LIPT1: variants seen among roughly 807,000 people sequenced by gnomAD.
LIPT1 encodes the protein lipoyl amidotransferase LIPT1, mitochondrial.
In LIPT1, 22 loss-of-function variants were observed where a neutral mutation model predicts 25.1. The observed-to-expected ratio is 0.88, with a 90% CI of 0.63 to 1.25. The LOEUF (loss-of-function observed/expected upper bound fraction) is 1.25. LIPT1 is among the 50% of genes most tolerant of loss of function. LIPT1 has a pLI of 0.00. For missense variants in LIPT1, 399 were observed against 432.8 expected (o/e 0.92, Z 0.69); for synonymous variants, 131 against 150.8 (o/e 0.87, Z 0.96).
At chr2:99,158,161 G>A (rs1390408616) in intron 1 of LIPT1, among the ~76,000 whole-genome samples, 1 of 152,036 alleles carries the variant, frequency 6.6e-6, no homozygotes, top group Admixed American at 6.6e-5. Context: ...GATAGAGTTG[G>A]GATTTGAATG....
rs1202102978 is a variant in LIPT1, at chr2:99,154,993, A to T, written c.-60A>T. ...AGGCCTGCCGGTTGCTCGGGGTCGT[A>T]TGACGCACTTTTCCAGCTCGAGCCC... On this transcript the variant is annotated 5_prime_UTR_variant, in exon 1 of 2. The change abolishes an upstream ATG in the 5' untranslated region. Coordinates refer to ENST00000651691, the MANE Select transcript of LIPT1 (RefSeq NM_145199.3). The T allele has an allele frequency of 4.4e-6, 2 of 455,966 alleles. No individual in the cohort carries two copies. The highest frequency in any genetic ancestry group is 7.0e-5 in the East Asian group (1 of 14,378). 28.2% of individuals were successfully genotyped at this position (455,966 alleles called of 1,614,324 possible).
chr2:99,161,338 A>G (rs2093790936), intron 1 of LIPT1: 1 of 114,838 alleles, frequency 8.7e-6, no homozygotes, highest in African/African-American at 3.5e-5. Context: ...ATATATATAT[A>G]GATTGAATGT....
rs1194292011 is a variant in LIPT1, at chr2:99,155,015, G to T, written c.-38G>T. On this transcript the variant is annotated 5_prime_UTR_variant, in exon 1 of 2. Transcript: ENST00000651691. ...CGTATGACGCACTTTTCCAGCTCGA[G>T]CCCTCACGAGGCCGTGGGTACGACC... 9 of 455,914 alleles carry T rather than the reference G, an allele frequency of 2.0e-5. No homozygotes were observed. The highest frequency in any genetic ancestry group is 3.1e-5 in the Non-Finnish European group (7 of 226,786). The allele number at this position is 455,914 out of a possible 1,614,324, so 28.2% of individuals were successfully genotyped here. A position where few individuals can be genotyped will look rare whatever the true frequency, so the allele number is the denominator to read the frequency against.
chr2:99,155,650 A>T (rs891323462), intron 1 of LIPT1: 2 of 421,540 alleles, frequency 4.7e-6, no homozygotes, highest in Non-Finnish European at 9.5e-6. Context: ...CAGAACTTCA[A>T]AGGCTTGACA....
chr2:99,159,386 A>G (rs2093771908), intron 1 of LIPT1, among the ~76,000 whole-genome samples: 2 of 151,982 alleles, frequency 1.3e-5, no homozygotes, highest in Admixed American at 1.3e-4. Flanking sequence ...AATGTCACTC[A>G]TATCCATCCC....
At position 99,162,773 on chromosome 2, in the gene LIPT1, A is replaced by G; in HGVS notation, c.816A>G (p.Ile272Met). 3 of 1,614,124 alleles carry G rather than the reference A, an allele frequency of 1.9e-6. No individual in the cohort carries two copies. The highest frequency in any genetic ancestry group is 1.6e-4 in the Middle Eastern group (1 of 6,062). Residue 272 changes from isoleucine to methionine, a missense_variant, in exon 2 of 2, where the codon ATA becomes ATG. Physicochemically the swap from Ile to Met is conservative, Grantham distance 10 (BLOSUM62 1). Transcript: ENST00000651691. ...KAKELQTWEW[I>M]YGKTPKFSIN... ...AAGAACTGCAAACTTGGGAGTGGAT[A>G]TATGGCAAAACTCCAAAGTTTAGTA...
intron 1 of LIPT1, among the ~76,000 whole-genome samples, chr2:99,156,087 T>C (rs2093749627): frequency 1.3e-5 from 2 of 152,334 alleles, no homozygotes; most frequent in South Asian, 4.1e-4. Flanking sequence ...TTTTTTCTTA[T>C]CTTTCGGGGT....
At chr2:99,156,113 C>T (rs1439570966) in intron 1 of LIPT1, among the ~76,000 whole-genome samples, 1 of 152,178 alleles carries the variant, frequency 6.6e-6, no homozygotes, top group South Asian at 2.1e-4. Flanking sequence ...TGAAATGTCA[C>T]ATCCTCACTG....
At chr2:99,158,520 A>G (rs1238410117) in intron 1 of LIPT1, among the ~76,000 whole-genome samples, 1 of 151,770 alleles carries the variant, frequency 6.6e-6, no homozygotes. Context: ...TCGGGGCTGC[A>G]GTGAGCCGTG....
intron 1 of LIPT1, among the ~76,000 whole-genome samples, chr2:99,159,847 C>T (rs993595902): frequency 6.6e-6 from 1 of 152,148 alleles, no homozygotes; most frequent in Non-Finnish European, 1.5e-5. Context: ...AACTCTTTCT[C>T]TTAGGAGGGA....
At chr2:99,156,362 C>G (rs1004405308) in intron 1 of LIPT1, 1 of 152,278 alleles carries the variant, frequency 6.6e-6, no homozygotes, top group African/African-American at 2.4e-5. Flanking sequence ...CTCCCGGGTT[C>G]AAGCGATTCT....
At position 99,162,729 on chromosome 2, in the gene LIPT1, G is replaced by A. The variant is rs2093806272; in HGVS notation, c.772G>A (p.Gly258Arg). ...CCCAACGGATGAGACACTGTTTCCTGGAATAAATAGCAAAGCCAAAGAACT... is the reference window on the plus strand; with the variant it reads ...CCCAACGGATGAGACACTGTTTCCTAGAATAAATAGCAAAGCCAAAGAACT... Reference protein sequence around the residue: ...INPTDETLFPGINSKAKELQT... With the variant: ...INPTDETLFPRINSKAKELQT... Residue 258 changes from glycine to arginine, a missense_variant, in exon 2 of 2, where the codon GGA becomes AGA. Gly to Arg is a moderately radical substitution (Grantham distance 125, BLOSUM62 -2). Transcript: ENST00000651691. 3 of 1,613,938 alleles carry A rather than the reference G, an allele frequency of 1.9e-6. No homozygotes were observed. The highest frequency in any genetic ancestry group is 1.3e-5 in the African/African-American group (1 of 74,862).
chr2:99,155,509 G>C (rs1159743754), intron 1 of LIPT1: 1 of 456,102 alleles, frequency 2.2e-6, no homozygotes, highest in East Asian at 7.0e-5. Flanking sequence ...GTGTTTGGCA[G>C]TGCAGAGGTA....
At position 99,162,052 on chromosome 2, in the gene LIPT1, T is replaced by C. The variant is rs747279960; in HGVS notation, c.95T>C (p.Leu32Pro). 11 of 1,614,004 alleles carry C rather than the reference T, an allele frequency of 6.8e-6. No individual in the cohort carries two copies. The highest frequency in any genetic ancestry group is 6.8e-6 in the Non-Finnish European group (8 of 1,179,976). ...TTTAAAAAAACAGTAAAAAATGGGC[T>C]CATTTTACAGTCAATTTCCAATGAT... The part of the protein sequence containing the change: ...AGFKKTVKNG[L>P]ILQSISNDVY... The change falls in exon 2 of 2, where the codon CTC (leucine) becomes CCC (proline). Residue 32 changes from leucine (L) to proline (P), a missense_variant. By Grantham distance (98) the Leu-to-Pro change is moderately conservative. Transcript: ENST00000651691.
At chr2:99,155,872 C>G (rs548429268) in intron 1 of LIPT1, among the ~76,000 whole-genome samples, 1 of 152,320 alleles carries the variant, frequency 6.6e-6, no homozygotes, top group Admixed American at 6.5e-5. Context: ...GTCAGACGTT[C>G]ATATCATGTA....
intron 1 of LIPT1, chr2:99,161,725 T>G: frequency 2.2e-6 from 1 of 446,932 alleles, no homozygotes; most frequent in Non-Finnish European, 3.9e-6. Flanking sequence ...GACTTATTGT[T>G]TGAAAACTGT....
intron 1 of LIPT1, among the ~76,000 whole-genome samples, chr2:99,159,540 A>T (rs1165101744): frequency 6.6e-6 from 1 of 152,198 alleles, no homozygotes; most frequent in Non-Finnish European, 1.5e-5. Context: ...GCAGATTCGT[A>T]TAACAGCTGA....
At chr2:99,155,093 C>G (rs1306467666) in intron 1 of LIPT1, 42 bp downstream of exon 1, 1 of 453,940 alleles carries the variant, frequency 2.2e-6, no homozygotes, top group Non-Finnish European at 4.4e-6. Flanking sequence ...TGTTGCGGGC[C>G]GTAGCGCGTG....
At position 99,161,987 on chromosome 2, in the gene LIPT1, C is replaced by T; in HGVS notation, c.30C>T (p.Cys10=). 1 of 1,606,406 alleles carries T rather than the reference C, an allele frequency of 6.2e-7. No individual in the cohort carries two copies. The highest frequency in any genetic ancestry group is 8.5e-7 in the Non-Finnish European group (1 of 1,175,300). Residue 10 remains cysteine, a synonymous_variant, in exon 2 of 2, where the codon TGC becomes TGT. Transcript: ENST00000651691. ...TGATCCCATTTTCAATGAAGAATTG[C>T]TTCCAGTTACTTTGTAACTGCCAGG... is the stretch of plus-strand genomic sequence containing the variant. MLIPFSMKN[C]FQLLCNCQVP... is the part of the protein sequence containing the mutation.
Sources: gnomAD v4.1 joint callset for allele counts (sites outside exome capture counted in the v4.1 genomes callset) on GRCh38, gnomAD v4.1.1 for gene constraint, MANE v1.5 for transcripts, NCBI Gene and HGNC (gene_info 2026-07-23, HGNC 2026-07-21) for gene names.